Variants in FCGR2A observed in about 807,000 individuals in gnomAD.
FCGR2A encodes Fc gamma receptor IIa, also known as low affinity immunoglobulin gamma Fc region receptor II-a.
In FCGR2A, 18 loss-of-function variants were observed where a neutral mutation model predicts 29.3. The observed-to-expected ratio is 0.62, with a 90% CI of 0.43 to 0.91. FCGR2A has a LOEUF of 0.91. Ranked by LOEUF, FCGR2A falls within the 40% of genes least tolerant of loss-of-function variation. FCGR2A has a pLI of 0.00. For missense variants in FCGR2A, 287 were observed against 393.0 expected, an observed-to-expected ratio of 0.73 and a Z score of 2.28; for synonymous variants, 126 against 144.8, an observed-to-expected ratio of 0.87 and a Z score of 0.93.
At chr1:161,512,902 T>C (rs1018520809) in intron 5 of FCGR2A, among the ~76,000 whole-genome samples, 1 of 152,164 alleles carries the variant, frequency 6.6e-6, no homozygotes, top group Non-Finnish European at 1.5e-5. Flanking sequence ...ATTATCCGTC[T>C]TGTTGTGTGG....
Position 161,505,479 on chromosome 1 carries a change from G to C in FCGR2A, c.12G>C (p.Glu4Asp). The C allele has an allele frequency of 6.2e-7, 1 of 1,613,810 alleles. No individual in the cohort carries two copies. Residue 4 changes from glutamate (E) to aspartate (D), a missense_variant, in exon 1 of 7, where the codon GAG (glutamate) becomes GAC (aspartate). This residue lies in a region of FCGR2A where 181 missense variants were observed against 250.9 expected (regional missense o/e 0.72). Transcript: ENST00000271450. ...GGCACAGTGCTGGGATGACTATGGAGACCCAAATGTCTCAGAATGTATGTC... is the reference window on the plus strand; with the variant it reads ...GGCACAGTGCTGGGATGACTATGGACACCCAAATGTCTCAGAATGTATGTC... MTM[E>D]TQMSQNVCPR...
chr1:161,513,894 G>C lies in FCGR2A; in HGVS notation c.743-1G>C. The C allele has an allele frequency of 6.2e-7, 1 of 1,614,206 alleles. No homozygotes were observed. Among genetic ancestry groups the C allele is most frequent in the South Asian group, 1.1e-5 (1 of 91,084 alleles). ...GCTAATCTTTTTCTTTTTCCCCACA[G>C]CCAATTCCACTGATCCTGTGAAGGC... On this transcript the variant is annotated splice_acceptor_variant, in intron 5 of 6. Coordinates refer to ENST00000271450, the MANE Select transcript of FCGR2A (RefSeq NM_001136219.3). LOFTEE classifies it high-confidence loss of function.
intron 5 of FCGR2A, 82 bp downstream of exon 5, chr1:161,511,038 T>A: frequency 6.2e-7 from 1 of 1,601,050 alleles, no homozygotes; most frequent in Admixed American, 1.7e-5. Context: ...AGAATCCCGC[T>A]CTTAGGGCTA....
chr1:161,519,782 T>G lies in FCGR2A; in HGVS notation c.*1634T>G, dbSNP rs1426956706. 6.6e-6 allele frequency: 1 copy of G among 152,156 alleles called. No individual in the cohort carries two copies. Among genetic ancestry groups the G allele is most frequent in the African/African-American group, 2.4e-5 (1 of 41,434 alleles). 9.4% of individuals were successfully genotyped at this position (152,156 alleles called of 1,614,324 possible). A position where few individuals can be genotyped will look rare whatever the true frequency, so the allele number is the denominator to read the frequency against. ...AACTTGTATTCTTGTTTCCATGTCTTCTTCCCTTTCCTTCTATAGCAAATA... is the reference window on the plus strand; with the variant it reads ...AACTTGTATTCTTGTTTCCATGTCTGCTTCCCTTTCCTTCTATAGCAAATA... On this transcript the variant is annotated 3_prime_UTR_variant, in exon 7 of 7. Transcript: ENST00000271450.
At chr1:161,505,952 T>G in intron 1 of FCGR2A, 35 bp from the exon 2 acceptor site, 1 of 1,613,284 alleles carries the variant, frequency 6.2e-7, no homozygotes. Flanking sequence ...CGTGTTCTCC[T>G]GCTCGACGTT....
At chr1:161,515,474 T>G (rs542696934) in intron 6 of FCGR2A, among the ~76,000 whole-genome samples, 1 of 152,184 alleles carries the variant, frequency 6.6e-6, no homozygotes, top group East Asian at 1.9e-4. Context: ...CGTTAGTCAC[T>G]CATTTAAAAT....
At chr1:161,515,500 T>C (rs1676094614) in intron 6 of FCGR2A, among the ~76,000 whole-genome samples, 2 of 152,212 alleles carry the variant, frequency 1.3e-5, no homozygotes, top group African/African-American at 4.8e-5. Context: ...CCAGTCTCAA[T>C]AAGATTGACT....
chr1:161,518,240 T>A lies in FCGR2A; in HGVS notation c.*92T>A. The stretch of plus-strand genomic sequence containing the variant: ...GTTAAAGGAAAATTTAAATGGAGAC[T>A]GGAAAAATCCTGAGCAAACAAAACC... On this transcript the variant is annotated 3_prime_UTR_variant, in exon 7 of 7. Coordinates refer to ENST00000271450, the MANE Select transcript of FCGR2A (RefSeq NM_001136219.3). 6.5e-7 allele frequency: 1 copy of A among 1,546,934 alleles called. No individual in the cohort carries two copies. Among genetic ancestry groups the A allele is most frequent in the Non-Finnish European group, 8.7e-7 (1 of 1,150,574 alleles).
chr1:161,509,020 G>A (rs6671847), intron 3 of FCGR2A, among the ~76,000 whole-genome samples: 65,841 of 151,990 alleles, frequency 0.43, 14,574 homozygotes, highest in Middle Eastern at 0.51. Flanking sequence ...TAATCAAATA[G>A]CAACCCCCAG....
intron 5 of FCGR2A, among the ~76,000 whole-genome samples, chr1:161,511,250 G>C (rs544235792): frequency 1.1e-4 from 16 of 152,308 alleles, no homozygotes; most frequent in African/African-American, 3.9e-4. Context: ...TGTGAGGGCA[G>C]CGCTTAGCTA....
rs1264980073 is a variant in FCGR2A at position 161,505,994 on chromosome 1, A to C, written c.93A>C (p.Ala31=). ...CTCTCTTCTCTTTTACAGCTTCTGCAGACAGTCAAGCTGGTGAGTATGCCC... is the reference window on the plus strand; with the variant it reads ...CTCTCTTCTCTTTTACAGCTTCTGCCGACAGTCAAGCTGGTGAGTATGCCC... ...PLTVLLLLAS[A]DSQAAAPPKA... The change falls in exon 2 of 7, where the codon GCA becomes GCC. Residue 31 remains alanine, a synonymous_variant. Coordinates refer to ENST00000271450, the MANE Select transcript of FCGR2A (RefSeq NM_001136219.3). 2 of 1,613,944 alleles carry C rather than the reference A, an allele frequency of 1.2e-6. No homozygotes were observed. Among genetic ancestry groups the C allele is most frequent in the Admixed American group, 3.3e-5 (2 of 60,000 alleles).
At position 161,505,558 on chromosome 1, in the gene FCGR2A, T is replaced by G. The variant is rs1571955262; in HGVS notation, c.85+6T>G. 1 of 1,611,886 alleles carries G rather than the reference T, an allele frequency of 6.2e-7. No individual in the cohort carries two copies. Among genetic ancestry groups the G allele is most frequent in the Non-Finnish European group, 8.5e-7 (1 of 1,178,000 alleles). ...GACAGTTTTGCTGCTGCTGGGTGAG[T>G]GAGGGTCATTCTGAAATGGGGCAAT... On this transcript the variant is annotated splice_donor_region_variant and intron_variant, in intron 1 of 6. Transcript: ENST00000271450.
chr1:161,510,988 C>G (rs887890604), intron 5 of FCGR2A, 32 bp downstream of exon 5: 1 of 1,613,990 alleles, frequency 6.2e-7, no homozygotes. Flanking sequence ...CTTTTGTTAT[C>G]AGTTTCCATT....
Position 161,506,020 on chromosome 1 carries a change from T to C in FCGR2A, c.106+13T>C. On this transcript the variant is annotated intron_variant, in intron 2 of 6. Coordinates refer to ENST00000271450, the MANE Select transcript of FCGR2A (RefSeq NM_001136219.3). Reference sequence around the variant, plus strand: ...GACAGTCAAGCTGGTGAGTATGCCCTTTGCTTCCTTGTATTGACAGTGTTG... The same window carrying C: ...GACAGTCAAGCTGGTGAGTATGCCCCTTGCTTCCTTGTATTGACAGTGTTG... 6.2e-7 allele frequency: 1 copy of C among 1,613,112 alleles called. No homozygotes were observed.
intron 5 of FCGR2A, 118 bp downstream of exon 5, chr1:161,511,074 CT>C: frequency 6.9e-7 from 1 of 1,455,066 alleles, no homozygotes; most frequent in Non-Finnish European, 9.6e-7. Flanking sequence ...CTAGGCCCAC[CT>C]TTTATTTATT....
intron 2 of FCGR2A, 121 bp downstream of exon 2, chr1:161,506,128 T>C (rs1675373898): frequency 7.7e-7 from 1 of 1,296,552 alleles, no homozygotes; most frequent in Non-Finnish European, 1.1e-6. Context: ...GGGTTCAGCA[T>C]GGGCAGTTCC....
At chr1:161,512,009 C>T (rs1038533434) in intron 5 of FCGR2A, among the ~76,000 whole-genome samples, 12 of 152,114 alleles carry the variant, frequency 7.9e-5, no homozygotes, top group Non-Finnish European at 1.3e-4. Flanking sequence ...AAGAGGACCT[C>T]GCTGGAGATG....
rs550713090 is a variant in FCGR2A, at chr1:161,506,758, C to T, written c.364+167C>T. On this transcript the variant is annotated intron_variant, in intron 3 of 6. Transcript: ENST00000271450. ...TCACCCACCCTCTTTGCTTAGCATG[C>T]GTGGTGGGGGAAGGGGGAATTTCTA... 232 of 1,287,124 alleles carry T rather than the reference C, an allele frequency of 1.8e-4. No individual in the cohort carries two copies. In the African/African-American group the frequency reaches 2.5e-3, roughly 14 times the overall value. 79.7% of individuals were successfully genotyped at this position (1,287,124 alleles called of 1,614,324 possible).
intron 5 of FCGR2A, 52 bp downstream of exon 5, chr1:161,511,008 G>C (rs898003528): frequency 6.2e-7 from 1 of 1,613,440 alleles, no homozygotes; most frequent in African/African-American, 1.3e-5. Flanking sequence ...TTGGCCCAGG[G>C]CCTAACCCCA....
Sources: gnomAD v4.1 joint callset for allele counts (sites outside exome capture counted in the v4.1 genomes callset) on GRCh38, gnomAD v4.1.1 for gene constraint, gnomAD v4.1.1 regional missense constraint, MANE v1.5 for transcripts, NCBI Gene and HGNC (gene_info 2026-07-23, HGNC 2026-07-21) for gene names.